CCDC88C: variants seen among roughly 807,000 people sequenced by gnomAD.
The protein encoded by CCDC88C is coiled-coil and HOOK domain protein 88C.
CCDC88C carries 131 observed loss-of-function variants against 198.8 expected under a neutral mutation model. That is an observed-to-expected ratio of 0.66 (90% CI 0.57 to 0.76). The LOEUF is 0.76. Among genes scored for constraint, CCDC88C ranks in the 30% least tolerant of loss-of-function variants. The probability of loss-of-function intolerance (pLI) is 0.00; values close to 1 mark genes in which losing one functional copy is unlikely to be tolerated. For missense variants in CCDC88C, 2,553 were observed against 2,631.6 expected, an observed-to-expected ratio of 0.97 and a Z score of 0.65; for synonymous variants, 1,166 against 1,114.7, an observed-to-expected ratio of 1.05 and a Z score of -0.92.
chr14:91,392,703 C>T (rs1195863591), intron 3 of CCDC88C, among the ~76,000 whole-genome samples: 1 of 151,824 alleles, frequency 6.6e-6, no homozygotes, highest in Non-Finnish European at 1.5e-5. Context: ...CCAGCAAGGG[C>T]GGCCCCTCAC....
chr14:91,396,713 T>C (rs773838268), intron 3 of CCDC88C, among the ~76,000 whole-genome samples: 2 of 152,224 alleles, frequency 1.3e-5, no homozygotes, highest in Non-Finnish European at 2.9e-5. Context: ...GTTGCTTACT[T>C]TGTGCTCCCC....
intron 29 of CCDC88C, among the ~76,000 whole-genome samples, chr14:91,276,794 T>C (rs1889983341): frequency 6.6e-6 from 1 of 152,134 alleles, no homozygotes; most frequent in Non-Finnish European, 1.5e-5. Context: ...CGTGACAAAA[T>C]TCAGAGCACT....
intron 3 of CCDC88C, among the ~76,000 whole-genome samples, chr14:91,367,376 C>T (rs115615693): frequency 2.9e-4 from 44 of 152,274 alleles, no homozygotes; most frequent in Non-Finnish European, 5.4e-4. Flanking sequence ...CAAAGAATGC[C>T]GCTGTTGACC....
At chr14:91,359,736 T>G (rs372618490) in intron 3 of CCDC88C, 25 bp from the exon 4 acceptor site, 1 of 1,593,394 alleles carries the variant, frequency 6.3e-7, no homozygotes, top group Non-Finnish European at 8.6e-7. Flanking sequence ...GGGGAAAAGA[T>G]ACCATTAAGA....
intron 29 of CCDC88C, among the ~76,000 whole-genome samples, chr14:91,277,423 G>T (rs555339994): frequency 6.6e-6 from 1 of 152,172 alleles, no homozygotes; most frequent in Non-Finnish European, 1.5e-5. Flanking sequence ...AAGCTTTATC[G>T]GATGTCAGCC....
chr14:91,341,775 G>A (rs1054769381), intron 6 of CCDC88C, among the ~76,000 whole-genome samples: 1 of 152,240 alleles, frequency 6.6e-6, no homozygotes, highest in African/African-American at 2.4e-5. Flanking sequence ...CAATGGCAAA[G>A]GGCCGGGAAG....
At chr14:91,345,096 T>C (rs980419420) in intron 4 of CCDC88C, among the ~76,000 whole-genome samples, 2 of 150,358 alleles carry the variant, frequency 1.3e-5, no homozygotes, top group Admixed American at 6.6e-5. Flanking sequence ...ACCTTTTTGA[T>C]GGTTGCATAC....
intron 10 of CCDC88C, among the ~76,000 whole-genome samples, chr14:91,327,594 C>T (rs577475858): frequency 1.1e-4 from 17 of 152,298 alleles, no homozygotes; most frequent in African/African-American, 3.9e-4. Context: ...CCTGACAGGC[C>T]GCAGACCCGG....
chr14:91,293,739 C>T (rs1435247990), intron 23 of CCDC88C, among the ~76,000 whole-genome samples: 1 of 152,134 alleles, frequency 6.6e-6, no homozygotes, highest in African/African-American at 2.4e-5. Context: ...CCTCCCCCTA[C>T]TGGTTCCTGG....
In CCDC88C at chr14:91,273,656, A is replaced by G. The variant is rs763221917; in HGVS notation, c.5059-3T>C. On this transcript the variant is annotated splice_region_variant and splice_polypyrimidine_tract_variant and intron_variant, in intron 29 of 29. Coordinates refer to ENST00000389857, the MANE Select transcript of CCDC88C (RefSeq NM_001080414.4). This position sits in a 1 kb window ranked among gnomAD's most constrained non-coding sequence, Gnocchi z 5.6. ...TCATCCCGGCAACTGGGAGTGTCCT[A>G]CGGAGAAGAGAGTGAAGGTTGGAGG... is the stretch of plus-strand genomic sequence containing the variant. 4.1e-6 allele frequency: 6 copies of G among 1,462,464 alleles called. No individual in the cohort carries two copies. The South Asian group carries it at 7.8e-5, about 19-fold the overall frequency. The allele number at this position is 1,462,464 out of a possible 1,614,324, so 90.6% of individuals were successfully genotyped here. A position where few individuals can be genotyped will look rare whatever the true frequency, so the allele number is the denominator to read the frequency against.
At chr14:91,400,319 G>A (rs189573892) in intron 3 of CCDC88C, among the ~76,000 whole-genome samples, 20 of 152,358 alleles carry the variant, frequency 1.3e-4, no homozygotes, top group Non-Finnish European at 2.5e-4. Flanking sequence ...AATGGGGATC[G>A]GGAGGAGGAC....
At chr14:91,275,936 C>T (rs1335091855) in intron 29 of CCDC88C, among the ~76,000 whole-genome samples, 2 of 150,622 alleles carry the variant, frequency 1.3e-5, no homozygotes, top group African/African-American at 2.4e-5. Flanking sequence ...ATTCTCCTGC[C>T]TCAGCCTCCC....
In CCDC88C at chr14:91,313,904, G is replaced by A. The variant is rs371356360; in HGVS notation, c.1912C>T (p.Gln638Ter). The A allele has an allele frequency of 1.2e-6, 2 of 1,611,276 alleles. No homozygotes were observed. The highest frequency in any genetic ancestry group is 8.5e-7 in the Non-Finnish European group (1 of 1,179,672). ...CTCCCGTTCTCCTCCTGGAGTCGCT[G>A]TAGCTCCCTCTCCAGCTTCTCTGCC... is the stretch of plus-strand genomic sequence containing the variant. ...ERAEKLEREL[Q>*]RLQEENGRLA... Residue 638 changes from glutamine (Q) to a stop codon, truncating the protein, a stop_gained, in exon 15 of 30, where the codon CAG becomes TAG. Transcript: ENST00000389857. LOFTEE classifies it high-confidence loss of function. The surrounding 1 kb of genome is among the most constrained non-coding windows in gnomAD (Gnocchi z 5.2).
At chr14:91,281,610 A>G (rs1254990497) in intron 26 of CCDC88C, 85 bp from the exon 27 acceptor site, 3 of 1,171,812 alleles carry the variant, frequency 2.6e-6, no homozygotes, top group Non-Finnish European at 3.8e-6. Context: ...TGGCACCCGG[A>G]TCCCAGTAGC....
rs756075349 is a variant in CCDC88C, at chr14:91,303,755, C to T, written c.3581G>A (p.Cys1194Tyr). 1.6e-5 allele frequency: 25 copies of T among 1,612,626 alleles called. No homozygotes were observed. Among genetic ancestry groups the T allele is most frequent in the Middle Eastern group, 1.7e-4 (1 of 6,060 alleles). The change falls in exon 20 of 30, where the codon TGC (cysteine) becomes TAC (tyrosine). Residue 1194 changes from cysteine to tyrosine, a missense_variant. Physicochemically the swap from Cys to Tyr is radical, Grantham distance 194 (BLOSUM62 -2). This residue lies in a region of CCDC88C where 1,293 missense variants were observed against 1,219.6 expected (regional missense o/e 1.06). Transcript: ENST00000389857. ...CAGATTCCGATGCAGTGTCTTTAGG[C>T]AGCTGTGCTGGCGGATGAGGGCCTC... ...EYEALIRQHS[C>Y]LKTLHRNLEL...
At chr14:91,370,084 G>A (rs1444359355) in intron 3 of CCDC88C, among the ~76,000 whole-genome samples, 3 of 152,164 alleles carry the variant, frequency 2.0e-5, no homozygotes, top group Non-Finnish European at 4.4e-5. Flanking sequence ...CGCTGGGAAG[G>A]AGCACCTGGA....
chr14:91,287,155 G>A (rs1202643802), intron 25 of CCDC88C, among the ~76,000 whole-genome samples: 2 of 152,118 alleles, frequency 1.3e-5, no homozygotes, highest in East Asian at 3.8e-4. Context: ...GATGACAAAT[G>A]TCCAAAAATT....
At chr14:91,389,107 CA>C (rs1453025846) in intron 3 of CCDC88C, among the ~76,000 whole-genome samples, 1 of 152,194 alleles carries the variant, frequency 6.6e-6, no homozygotes, top group Non-Finnish European at 1.5e-5. Context: ...TCCTGTCCCC[CA>C]CCTGAATGAG....
rs140497678 is a variant in CCDC88C at position 91,297,612 on chromosome 14, C to A, written c.3780-121G>T. 6.6e-3 allele frequency: 6,439 copies of A among 976,852 alleles called. 30 individuals carry two copies. The highest frequency in any genetic ancestry group is 8.8e-3 in the Admixed American group (300 of 33,988). The allele number at this position is 976,852 out of a possible 1,614,324, so 60.5% of individuals were successfully genotyped here. ...CAGGCTGTGCAACCTTAGACAAAAT[C>A]ACAACCTCTCTGGGCTTTTTTTTTT... On this transcript the variant is annotated intron_variant, in intron 21 of 29. Coordinates refer to ENST00000389857, the MANE Select transcript of CCDC88C (RefSeq NM_001080414.4).
Sources: allele counts gnomAD v4.1 joint callset (sites outside exome capture counted in the v4.1 genomes callset), GRCh38; gene constraint gnomAD v4.1.1; regional missense constraint gnomAD v4.1.1; non-coding constraint Gnocchi (gnomAD v3.1); transcripts MANE v1.5; gene names NCBI Gene and HGNC (gene_info 2026-07-23, HGNC 2026-07-21).